Variants in RAB11FIP4 observed in about 807,000 individuals in gnomAD.
The protein encoded by RAB11FIP4 is rab11 family-interacting protein 4.
Under a neutral mutation model 74.3 loss-of-function variants are expected in RAB11FIP4, and 23 were observed. The ratio of observed to expected loss-of-function variants is 0.31; its 90% CI spans 0.22 to 0.44. RAB11FIP4 has a LOEUF of 0.44. Ranked by LOEUF, RAB11FIP4 falls within the 20% of genes least tolerant of loss-of-function variation. RAB11FIP4 has a pLI of 1.00. For synonymous variants in RAB11FIP4, 360 were observed against 359.9 expected (o/e 1.00, Z 0.00); for missense variants, 630 against 863.9 (o/e 0.73, Z 3.39).
At chr17:31,462,352 T>C (rs1043055144) in intron 3 of RAB11FIP4, among the ~76,000 whole-genome samples, 2 of 152,142 alleles carry the variant, frequency 1.3e-5, no homozygotes, top group Admixed American at 1.3e-4. Context: ...GGCTTGGTCA[T>C]TGGGAGTTTG....
intron 3 of RAB11FIP4, chr17:31,487,886 G>C: frequency 4.0e-6 from 1 of 247,632 alleles, no homozygotes; most frequent in Non-Finnish European, 6.4e-6. Context: ...GGAGCCACCT[G>C]CCCCTACCTT....
chr17:31,452,944 G>T (rs2071539627), intron 3 of RAB11FIP4, among the ~76,000 whole-genome samples: 2 of 152,176 alleles, frequency 1.3e-5, no homozygotes. Flanking sequence ...GTGGGATGGG[G>T]CAGCTGACCC....
chr17:31,528,415 C>T lies in RAB11FIP4; in HGVS notation c.1366C>T (p.Arg456Cys), dbSNP rs941215155. 11 of 1,612,508 alleles carry T rather than the reference C, an allele frequency of 6.8e-6. No individual in the cohort carries two copies. Among genetic ancestry groups the T allele is most frequent in the East Asian group, 2.2e-5 (1 of 44,886 alleles). The stretch of plus-strand genomic sequence containing the variant: ...GGTCTCCCTGCTCCAGGAGCGGCAG[C>T]GCATGTCTGACCGTCTGGAGGACAC... ...QTEKLDEERQ[R>C]MSDRLEDTSL... Residue 456 changes from arginine to cysteine, a missense_variant, in exon 12 of 15, where the codon CGC (arginine) becomes TGC (cysteine). Physicochemically the swap from Arg to Cys is radical, Grantham distance 180 (BLOSUM62 -3). Coordinates refer to ENST00000621161, the MANE Select transcript of RAB11FIP4 (RefSeq NM_032932.6).
At chr17:31,401,042 G>C (rs538824427) in intron 1 of RAB11FIP4, among the ~76,000 whole-genome samples, 1 of 152,196 alleles carries the variant, frequency 6.6e-6, no homozygotes, top group African/African-American at 2.4e-5. Flanking sequence ...GCCAAGGCAG[G>C]CAGATCACGA....
chr17:31,430,484 A>T (rs1477033097), intron 1 of RAB11FIP4, among the ~76,000 whole-genome samples: 1 of 150,184 alleles, frequency 6.7e-6, no homozygotes, highest in African/African-American at 2.5e-5. Context: ...CAGCCTCCCG[A>T]GTAGCTAGGA....
chr17:31,462,784 G>A (rs2071645576), intron 3 of RAB11FIP4, among the ~76,000 whole-genome samples: 2 of 152,102 alleles, frequency 1.3e-5, no homozygotes, highest in African/African-American at 4.8e-5. Context: ...TTATATGTGC[G>A]TGCCACCACG....
intron 3 of RAB11FIP4, among the ~76,000 whole-genome samples, chr17:31,515,654 G>A (rs1186733648): frequency 2.0e-5 from 3 of 152,034 alleles, no homozygotes; most frequent in Non-Finnish European, 4.4e-5. Flanking sequence ...TTGTAGTCTC[G>A]GGACTGCAGG....
At chr17:31,455,111 G>A (rs2071566890) in intron 3 of RAB11FIP4, among the ~76,000 whole-genome samples, 1 of 152,176 alleles carries the variant, frequency 6.6e-6, no homozygotes, top group South Asian at 2.1e-4. Flanking sequence ...TAGAAAAAAG[G>A]CATACGAATT....
At chr17:31,431,468 T>G in intron 1 of RAB11FIP4, 1 of 228,484 alleles carries the variant, frequency 4.4e-6, no homozygotes, top group Non-Finnish European at 8.5e-6. Flanking sequence ...TACAATGAGT[T>G]TGTGTCTGTT....
In RAB11FIP4 at chr17:31,537,578, G is replaced by A. The variant is rs1200604665; in HGVS notation, c.*5846G>A. 1.1e-5 allele frequency: 2 copies of A among 176,222 alleles called. No individual in the cohort carries two copies. The highest frequency in any genetic ancestry group is 2.4e-5 in the Non-Finnish European group (2 of 83,598). 10.9% of individuals were successfully genotyped at this position (176,222 alleles called of 1,614,324 possible). A position where few individuals can be genotyped will look rare whatever the true frequency, so the allele number is the denominator to read the frequency against. On this transcript the variant is annotated 3_prime_UTR_variant, in exon 15 of 15. Transcript: ENST00000621161. The stretch of plus-strand genomic sequence containing the variant: ...GCAGGGATATCATGGGACCGCAGCC[G>A]CTCCGTGCACTGTCTCTGCCCCCAG...
At chr17:31,519,265 C>T (rs76398982) in intron 4 of RAB11FIP4, among the ~76,000 whole-genome samples, 6,333 of 152,148 alleles carry the variant, frequency 0.042, 384 homozygotes, top group East Asian at 0.28. Flanking sequence ...CCACCTGCCT[C>T]GGCCTCCCAA....
At chr17:31,511,949 G>T (rs892779706) in intron 3 of RAB11FIP4, among the ~76,000 whole-genome samples, 1 of 152,196 alleles carries the variant, frequency 6.6e-6, no homozygotes, top group African/African-American at 2.4e-5. Context: ...CTCCCTGCTG[G>T]GGACAGGGTG....
chr17:31,514,657 G>A (rs542651759), intron 3 of RAB11FIP4, among the ~76,000 whole-genome samples: 8 of 152,358 alleles, frequency 5.3e-5, no homozygotes, highest in African/African-American at 1.7e-4. Flanking sequence ...CTCGCTACCC[G>A]TGTGGCCAGG....
chr17:31,481,779 T>A (rs747509809), intron 3 of RAB11FIP4, among the ~76,000 whole-genome samples: 235 of 152,198 alleles, frequency 1.5e-3, no homozygotes, highest in Non-Finnish European at 1.6e-3. Context: ...TCGTTGAGCT[T>A]GAATGAGTAA....
At chr17:31,513,170 C>T (rs1292814149) in intron 3 of RAB11FIP4, among the ~76,000 whole-genome samples, 3 of 152,138 alleles carry the variant, frequency 2.0e-5, no homozygotes, top group Non-Finnish European at 4.4e-5. Flanking sequence ...ACAGGGGGCT[C>T]CGCGTGATTC....
In RAB11FIP4 at chr17:31,532,951, G is replaced by A. The variant is rs1202841858; in HGVS notation, c.*1219G>A. ...TCTTTGTTCTAGGCAGCTGGGAATAGACATGGTACTTACCTTAGAGTTTTC... is the reference window on the plus strand; with the variant it reads ...TCTTTGTTCTAGGCAGCTGGGAATAAACATGGTACTTACCTTAGAGTTTTC... On this transcript the variant is annotated 3_prime_UTR_variant, in exon 15 of 15. Transcript: ENST00000621161. 1 of 152,218 alleles carries A rather than the reference G, an allele frequency of 6.6e-6. No homozygotes were observed. Among genetic ancestry groups the A allele is most frequent in the African/African-American group, 2.4e-5 (1 of 41,448 alleles). 9.4% of individuals were successfully genotyped at this position (152,218 alleles called of 1,614,324 possible).
In RAB11FIP4 at chr17:31,447,260, G is replaced by A. The variant is rs566446407; in HGVS notation, c.336+13138G>A. ...GATTGTGCCACTGCACTCCAACCTG[G>A]GCCACAGAGCGTGAGACTCCGTCTC... On this transcript the variant is annotated intron_variant, in intron 3 of 14. Coordinates refer to ENST00000621161, the MANE Select transcript of RAB11FIP4 (RefSeq NM_032932.6). Among the ~76,000 whole-genome samples, 383 of 152,264 alleles carry A rather than the reference G, an allele frequency of 2.5e-3. 4 individuals are homozygous for A. The highest frequency in any genetic ancestry group is 2.8e-3 in the Non-Finnish European group (190 of 68,020).
At chr17:31,426,879 C>T (rs115666770) in intron 1 of RAB11FIP4, among the ~76,000 whole-genome samples, 3,765 of 152,142 alleles carry the variant, frequency 0.025, 145 homozygotes, top group African/African-American at 0.086. Context: ...GGATTACGGG[C>T]GCCAGGCACC....
At position 31,464,749 on chromosome 17, in the gene RAB11FIP4, C is replaced by CTTTTTTTTT. The variant is rs58083480; in HGVS notation, c.336+30648_336+30656dup. On this transcript the variant is annotated intron_variant, in intron 3 of 14. Transcript: ENST00000621161. ...TACAGGCATGAGCCACTGTGCCCGG[C>CTTTTTTTTT]TTTTTTTTTTTTTTTTTTTTTTTTT... Among the ~76,000 whole-genome samples the CTTTTTTTTT allele has an allele frequency of 3.8e-4, 15 of 39,642 alleles. 4 individuals are homozygous for CTTTTTTTTT. Among genetic ancestry groups the CTTTTTTTTT allele is most frequent in the East Asian group, 2.1e-3 (2 of 936 alleles). 26.0% of individuals were successfully genotyped at this position (39,642 alleles called of 152,430 possible).
Sources: gnomAD v4.1 joint callset for allele counts (sites outside exome capture counted in the v4.1 genomes callset) on GRCh38, gnomAD v4.1.1 for gene constraint, MANE v1.5 for transcripts, NCBI Gene and HGNC (gene_info 2026-07-23, HGNC 2026-07-21) for gene names.